The following TRDN variants were observed in gnomAD, a reference collection of about 807,000 sequenced individuals.
TRDN encodes the protein triadin in skeletal muscle.
TRDN carries 161 observed loss-of-function variants against 149.7 expected under a neutral mutation model. The ratio of observed to expected loss-of-function variants is 1.08; its 90% CI spans 0.95 to 1.23. The LOEUF (loss-of-function observed/expected upper bound fraction) is 1.23, where lower values mean the gene tolerates loss of function less well. Among genes scored for constraint, TRDN ranks in the 50% most tolerant of loss-of-function variants. The pLI is 0.00. For synonymous variants in TRDN, 294 were observed against 250.5 expected (o/e 1.17, Z -1.64); for missense variants, 896 against 823.5 (o/e 1.09, Z -1.08).
At chr6:123,433,757 A>G (rs1774438373) in intron 12 of TRDN, among the ~76,000 whole-genome samples, 3 of 152,164 alleles carry the variant, frequency 2.0e-5, no homozygotes. Flanking sequence ...TAAGATGATG[A>G]CAAATTTAAC....
chr6:123,229,173 A>G (rs1260208874), intron 38 of TRDN, among the ~76,000 whole-genome samples: 1 of 151,944 alleles, frequency 6.6e-6, no homozygotes, highest in Non-Finnish European at 1.5e-5. Context: ...AGTTGTCTGC[A>G]CTATAATAGA....
intron 1 of TRDN, among the ~76,000 whole-genome samples, chr6:123,625,734 T>G (rs1785630015): frequency 6.6e-6 from 1 of 152,174 alleles, no homozygotes; most frequent in Admixed American, 6.5e-5. Context: ...ACACCTACTC[T>G]GAGCCAACAA....
chr6:123,497,735 G>C (rs1168541337), intron 8 of TRDN, among the ~76,000 whole-genome samples: 1 of 152,110 alleles, frequency 6.6e-6, no homozygotes, highest in Non-Finnish European at 1.5e-5. Flanking sequence ...AGACTATCAG[G>C]AGAACTAACC....
intron 21 of TRDN, among the ~76,000 whole-genome samples, chr6:123,341,124 T>C (rs980505964): frequency 1.3e-5 from 2 of 151,888 alleles, no homozygotes; most frequent in African/African-American, 4.8e-5. Context: ...AATTTTCAAG[T>C]TGCCTAAATG....
At chr6:123,352,002 C>T in intron 21 of TRDN, 1 of 976,950 alleles carries the variant, frequency 1.0e-6, no homozygotes, top group Non-Finnish European at 1.2e-6. Context: ...TATTTTATAC[C>T]ATTATGATTT....
chr6:123,421,316 T>C (rs1205578624), intron 12 of TRDN, among the ~76,000 whole-genome samples: 1 of 152,172 alleles, frequency 6.6e-6, no homozygotes, highest in Non-Finnish European at 1.5e-5. Flanking sequence ...TTTCTCTTGG[T>C]CTCTTGCCTT....
chr6:123,224,025 AAAAG>A, intron 39 of TRDN, 64 bp downstream of exon 39: 2 of 1,485,606 alleles, frequency 1.3e-6, no homozygotes, highest in Non-Finnish European at 1.8e-6. Flanking sequence ...AAAAAAAAAA[AAAAG>A]ACAGACAAAA....
chr6:123,340,343 A>G (rs1435420283), intron 21 of TRDN, among the ~76,000 whole-genome samples: 1 of 152,104 alleles, frequency 6.6e-6, no homozygotes, highest in African/African-American at 2.4e-5. Context: ...TCTGCCTATT[A>G]TTTATTATTC....
intron 21 of TRDN, 180 bp downstream of exon 21, chr6:123,352,359 A>C: frequency 1.0e-6 from 1 of 985,186 alleles, no homozygotes; most frequent in Non-Finnish European, 1.2e-6. Context: ...TACACAAAAG[A>C]AAGACCAACC....
chr6:123,599,903 G>C (rs542502608), intron 1 of TRDN, among the ~76,000 whole-genome samples: 1 of 151,864 alleles, frequency 6.6e-6, no homozygotes, highest in African/African-American at 2.4e-5. Context: ...CCTCCGAGAT[G>C]AGATAAATGT....
chr6:123,443,904 G>T (rs1381394423), intron 10 of TRDN, among the ~76,000 whole-genome samples: 1 of 151,028 alleles, frequency 6.6e-6, no homozygotes, highest in South Asian at 2.1e-4. Context: ...CCAGTACCAT[G>T]CTGTTTTGGT....
At chr6:123,612,400 AAAGTTT>A (rs2114682969) in intron 1 of TRDN, among the ~76,000 whole-genome samples, 1 of 152,046 alleles carries the variant, frequency 6.6e-6, no homozygotes, top group East Asian at 1.9e-4. Flanking sequence ...CCTAAAATTT[AAAGTTT>A]AATAATAATA....
intron 24 of TRDN, among the ~76,000 whole-genome samples, chr6:123,292,210 G>A (rs1172108977): frequency 2.0e-5 from 3 of 152,152 alleles, no homozygotes; most frequent in Admixed American, 6.5e-5. Flanking sequence ...ACAAGGTCAT[G>A]TGCTGCCTGC....
chr6:123,521,163 T>C (rs1270417657), intron 5 of TRDN, among the ~76,000 whole-genome samples: 2 of 152,170 alleles, frequency 1.3e-5, no homozygotes, highest in Non-Finnish European at 2.9e-5. Flanking sequence ...ATCACCCTTT[T>C]TAAAAACAAT....
chr6:123,392,818 A>G (rs1038162269), intron 13 of TRDN, among the ~76,000 whole-genome samples: 3 of 152,018 alleles, frequency 2.0e-5, no homozygotes, highest in African/African-American at 7.2e-5. Context: ...CTCAGATGTA[A>G]TACATTCGGT....
At chr6:123,337,115 C>T (rs1040600229) in intron 22 of TRDN, among the ~76,000 whole-genome samples, 1 of 151,924 alleles carries the variant, frequency 6.6e-6, no homozygotes, top group African/African-American at 2.4e-5. Flanking sequence ...ACAAGACTAA[C>T]GCAGGCAGAA....
At chr6:123,405,971 T>C (rs1158769965) in intron 12 of TRDN, among the ~76,000 whole-genome samples, 1 of 152,200 alleles carries the variant, frequency 6.6e-6, no homozygotes, top group Non-Finnish European at 1.5e-5. Flanking sequence ...AGTTCATATT[T>C]AATTTATCTT....
chr6:123,230,502 A>ATT (rs1468154752), intron 38 of TRDN, among the ~76,000 whole-genome samples: 1 of 151,138 alleles, frequency 6.6e-6, no homozygotes, highest in African/African-American at 2.4e-5. Context: ...AAACCTGCAC[A>ATT]TTGTGCACAT....
intron 8 of TRDN, among the ~76,000 whole-genome samples, chr6:123,499,764 G>T (rs1778619556): frequency 8.2e-6 from 1 of 121,762 alleles, no homozygotes; most frequent in African/African-American, 3.0e-5. Flanking sequence ...ACCATGGTTG[G>T]GTCTGTACTG....
Sources: gnomAD v4.1 joint callset for allele counts (sites outside exome capture counted in the v4.1 genomes callset) on GRCh38, gnomAD v4.1.1 for gene constraint, MANE v1.5 for transcripts, NCBI Gene and HGNC (gene_info 2026-07-23, HGNC 2026-07-21) for gene names.